Variants in SNX30 observed in about 807,000 individuals in gnomAD.
SNX30 encodes sorting nexin-30.
A neutral mutation model predicts 46.4 loss-of-function variants in SNX30; 24 were observed. That is an observed-to-expected ratio of 0.52 (90% CI 0.37 to 0.73). The LOEUF (loss-of-function observed/expected upper bound fraction) is 0.73, where lower values mean the gene tolerates loss of function less well. SNX30 is among the 30% of genes least tolerant of loss of function. The pLI is 0.00. For synonymous variants in SNX30, 189 were observed against 211.5 expected (o/e 0.89, Z 0.92); for missense variants, 533 against 555.7 (o/e 0.96, Z 0.41).
intron 3 of SNX30, 28 bp downstream of exon 3, chr9:112,817,843 T>G: frequency 3.5e-6 from 5 of 1,448,200 alleles, no homozygotes; most frequent in Non-Finnish European, 4.9e-6. Flanking sequence ...ACAGCTTGTT[T>G]CTCACTTGTC....
At chr9:112,807,180 C>G (rs1030517420) in intron 2 of SNX30, among the ~76,000 whole-genome samples, 2 of 151,392 alleles carry the variant, frequency 1.3e-5, no homozygotes, top group African/African-American at 4.8e-5. Context: ...ATTCTCCTGC[C>G]TCAGCCTCCC....
At chr9:112,824,571 C>T (rs1304459083) in intron 3 of SNX30, among the ~76,000 whole-genome samples, 1 of 150,658 alleles carries the variant, frequency 6.6e-6, no homozygotes, top group East Asian at 2.0e-4. Context: ...GAAATTTATT[C>T]TCTTACAGCT....
At chr9:112,754,572 A>AT (rs372693095) in intron 1 of SNX30, among the ~76,000 whole-genome samples, 103 of 151,854 alleles carry the variant, frequency 6.8e-4, no homozygotes, top group Middle Eastern at 3.4e-3. Flanking sequence ...CACCTGGCTA[A>AT]TTTTTTTATT....
intron 3 of SNX30, among the ~76,000 whole-genome samples, chr9:112,821,042 T>A (rs1840484272): frequency 6.6e-6 from 1 of 152,200 alleles, no homozygotes; most frequent in Non-Finnish European, 1.5e-5. Context: ...GGGTGTATTC[T>A]TAGGAATGTA....
At chr9:112,798,222 CA>C (rs1840146097) in intron 1 of SNX30, among the ~76,000 whole-genome samples, 1 of 92,910 alleles carries the variant, frequency 1.1e-5, no homozygotes, top group Non-Finnish European at 2.1e-5. Flanking sequence ...TGGTGCACTG[CA>C]CCCACTAATG....
chr9:112,860,019 C>T, intron 7 of SNX30, among the ~76,000 whole-genome samples: 1 of 152,126 alleles, frequency 6.6e-6, no homozygotes, highest in East Asian at 1.9e-4. Context: ...GATCTCGGCT[C>T]ACTGCAACCT....
chr9:112,785,282 C>T (rs1839904420), intron 1 of SNX30, among the ~76,000 whole-genome samples: 1 of 151,940 alleles, frequency 6.6e-6, no homozygotes, highest in Admixed American at 6.6e-5. Flanking sequence ...GTAGTGTGAT[C>T]ACAGCTCCCT....
intron 1 of SNX30, among the ~76,000 whole-genome samples, chr9:112,787,721 A>G (rs1588115917): frequency 6.6e-6 from 1 of 151,858 alleles, no homozygotes; most frequent in South Asian, 2.1e-4. Context: ...TTTGGCCCCC[A>G]AGGTGCCTAT....
intron 1 of SNX30, among the ~76,000 whole-genome samples, chr9:112,786,508 C>T (rs1195731321): frequency 1.3e-5 from 2 of 151,898 alleles, no homozygotes; most frequent in Non-Finnish European, 2.9e-5. Context: ...TTCATTCCTT[C>T]ACTTTCTTCC....
downstream of SNX30, chr9:112,877,949 C>T (rs1588147777): frequency 6.6e-6 from 1 of 152,442 alleles, no homozygotes; most frequent in African/African-American, 2.4e-5. Flanking sequence ...GATTCCTGGC[C>T]TCAAGTGATC....
At chr9:112,820,882 A>G (rs971506229) in intron 3 of SNX30, among the ~76,000 whole-genome samples, 3 of 152,140 alleles carry the variant, frequency 2.0e-5, no homozygotes, top group Non-Finnish European at 2.9e-5. Context: ...TTTTATTGCC[A>G]TATAATATTC....
chr9:112,864,477 G>C (rs1345375488), intron 8 of SNX30, 78 bp downstream of exon 8: 8 of 1,569,802 alleles, frequency 5.1e-6, no homozygotes, highest in Non-Finnish European at 7.0e-6. Flanking sequence ...CCACAAGCTG[G>C]GAATCCTGCT....
At chr9:112,790,751 T>C (rs1040085915) in intron 1 of SNX30, among the ~76,000 whole-genome samples, 3 of 152,226 alleles carry the variant, frequency 2.0e-5, no homozygotes, top group Admixed American at 6.5e-5. Flanking sequence ...TCCCAGAACA[T>C]TTAGTAAATA....
chr9:112,758,974 CAGAG>C (rs1839398032), intron 1 of SNX30, among the ~76,000 whole-genome samples: 2 of 152,110 alleles, frequency 1.3e-5, no homozygotes, highest in South Asian at 2.1e-4. Context: ...CGTGCACACA[CAGAG>C]AGAAAGAGTA....
At chr9:112,777,995 G>C (rs1839777453) in intron 1 of SNX30, among the ~76,000 whole-genome samples, 1 of 152,006 alleles carries the variant, frequency 6.6e-6, no homozygotes, top group South Asian at 2.1e-4. Flanking sequence ...TTTTGCTCTA[G>C]GTGTCTCTTG....
At chr9:112,777,350 C>T (rs763328251) in intron 1 of SNX30, among the ~76,000 whole-genome samples, 54 of 152,076 alleles carry the variant, frequency 3.6e-4, no homozygotes, top group Non-Finnish European at 6.3e-4. Context: ...TTTTCACTGG[C>T]GGGATTCTGT....
At chr9:112,816,643 G>T (rs535245063) in intron 2 of SNX30, among the ~76,000 whole-genome samples, 24 of 152,178 alleles carry the variant, frequency 1.6e-4, no homozygotes, top group Non-Finnish European at 3.2e-4. Context: ...AATTTTTGAT[G>T]CTAGAGCTGT....
chr9:112,760,356 A>G (rs1463860950), intron 1 of SNX30, among the ~76,000 whole-genome samples: 1 of 152,176 alleles, frequency 6.6e-6, no homozygotes, highest in Admixed American at 6.5e-5. Context: ...GTTGGGACAG[A>G]AATACCCTGG....
At position 112,872,973 on chromosome 9, in the gene SNX30, A is replaced by C. The variant is rs1318532606; in HGVS notation, c.*4130A>C. 2.0e-5 allele frequency: 3 copies of C among 152,186 alleles called. No homozygotes were observed. The highest frequency in any genetic ancestry group is 4.4e-5 in the Non-Finnish European group (3 of 68,040). 9.4% of individuals were successfully genotyped at this position (152,186 alleles called of 1,614,324 possible). On this transcript the variant is annotated 3_prime_UTR_variant, in exon 9 of 9. Coordinates refer to ENST00000374232, the MANE Select transcript of SNX30 (RefSeq NM_001012994.2). ...TTTCAATTCAGTGAATAAACCAGGA[A>C]TCCATTTTTTCACCAACCCACCCTG...
Sources: allele counts gnomAD v4.1 joint callset (sites outside exome capture counted in the v4.1 genomes callset), GRCh38; gene constraint gnomAD v4.1.1; transcripts MANE v1.5; gene names NCBI Gene and HGNC (gene_info 2026-07-23, HGNC 2026-07-21).